The following YAE1 variants were observed in gnomAD, a reference collection of about 807,000 sequenced individuals.
YAE1 encodes YAE1 maturation factor of ABCE1.
A neutral mutation model predicts 23.0 loss-of-function variants in YAE1; 22 were observed. The ratio of observed to expected loss-of-function variants is 0.96; its 90% CI spans 0.68 to 1.37. YAE1 has a LOEUF of 1.37. Ranked by LOEUF, YAE1 falls within the 40% of genes most tolerant of loss-of-function variation. The pLI is 0.00. For missense variants in YAE1, 260 were observed against 262.1 expected (o/e 0.99, Z 0.06); for synonymous variants, 101 against 97.0 (o/e 1.04, Z -0.24).
intron 1 of YAE1, chr7:39,569,687 T>C: frequency 1.4e-6 from 1 of 699,870 alleles, no homozygotes; most frequent in South Asian, 1.4e-5. Flanking sequence ...ATCCAATGTC[T>C]TCAATAAAGT....
exon 3 of YAE1, chr7:39,610,138 CA>C: frequency 1.2e-6 from 1 of 865,378 alleles, no homozygotes. Flanking sequence ...ACACGTCTCT[CA>C]AACTATGAAG....
At chr7:39,599,799 G>A (rs1791030064) in intron 2 of YAE1, among the ~76,000 whole-genome samples, 1 of 151,810 alleles carries the variant, frequency 6.6e-6, no homozygotes. Flanking sequence ...ATGTTGGCCA[G>A]GCTGGTCTTG....
intron 2 of YAE1, among the ~76,000 whole-genome samples, chr7:39,588,186 T>G (rs1790847794): frequency 6.6e-6 from 1 of 152,336 alleles, no homozygotes; most frequent in South Asian, 2.1e-4. Context: ...TTTGTACATG[T>G]TGTAGGCTTG....
chr7:39,606,311 T>G (rs1436135766), intron 2 of YAE1, among the ~76,000 whole-genome samples: 1 of 152,200 alleles, frequency 6.6e-6, no homozygotes, highest in African/African-American at 2.4e-5. Context: ...CAGAGACATT[T>G]TGGATTTTGA....
At chr7:39,569,776 A>G in intron 1 of YAE1, 1 of 759,894 alleles carries the variant, frequency 1.3e-6, no homozygotes. Context: ...CCTGAAACAA[A>G]CCATGATGAA....
intron 2 of YAE1, among the ~76,000 whole-genome samples, chr7:39,580,042 G>A (rs143828419): frequency 6.6e-6 from 1 of 152,126 alleles, no homozygotes; most frequent in East Asian, 1.9e-4. Context: ...GAGACCCTGT[G>A]TCTAAAAAAA....
intron 2 of YAE1, among the ~76,000 whole-genome samples, chr7:39,584,176 G>C (rs1164752635): frequency 6.6e-6 from 1 of 152,120 alleles, no homozygotes; most frequent in Non-Finnish European, 1.5e-5. Flanking sequence ...ACTAAGGAAG[G>C]AGGAAAAATA....
downstream of YAE1, among the ~76,000 whole-genome samples, chr7:39,575,438 A>G (rs1298191795): frequency 6.6e-6 from 1 of 152,098 alleles, no homozygotes; most frequent in African/African-American, 2.4e-5. Flanking sequence ...GTGGGAAACC[A>G]AAATAAAAGC....
At chr7:39,604,974 A>G (rs1791107881) in intron 2 of YAE1, among the ~76,000 whole-genome samples, 1 of 152,266 alleles carries the variant, frequency 6.6e-6, no homozygotes, top group Non-Finnish European at 1.5e-5. Context: ...TACTCTGAGT[A>G]GTTCCAAAGG....
chr7:39,612,055 A>C (rs145627074), downstream of YAE1, among the ~76,000 whole-genome samples: 694 of 152,332 alleles, frequency 4.6e-3, 6 homozygotes, highest in African/African-American at 0.016. Flanking sequence ...TGGTGTTAAC[A>C]AGCTTCACTG....
At chr7:39,592,031 G>A (rs547551365) in intron 2 of YAE1, among the ~76,000 whole-genome samples, 1 of 151,976 alleles carries the variant, frequency 6.6e-6, no homozygotes, top group Non-Finnish European at 1.5e-5. Flanking sequence ...TTTCTTTTTA[G>A]CACTGAATAT....
At chr7:39,576,079 A>G (rs980788255), downstream of YAE1, among the ~76,000 whole-genome samples, 7 of 152,130 alleles carry the variant, frequency 4.6e-5, no homozygotes, top group Non-Finnish European at 1.0e-4. Flanking sequence ...GATCTCACCT[A>G]TTAATGTCAT....
chr7:39,609,940 AT>A lies in YAE1; in HGVS notation c.580del (p.Ser194GlnfsTer18). The A allele has an allele frequency of 6.6e-7, 1 of 1,523,072 alleles. No homozygotes were observed. Among genetic ancestry groups the A allele is most frequent in the Non-Finnish European group, 8.8e-7 (1 of 1,140,890 alleles). 94.3% of individuals were successfully genotyped at this position (1,523,072 alleles called of 1,614,324 possible). ...GAGGCACCTTCCAACTCCGAAACACATTTTTCAACATATAATAGAATCATTA... is the reference window on the plus strand; with the variant it reads ...GAGGCACCTTCCAACTCCGAAACACATTTTCAACATATAATAGAATCATTA... On this transcript the variant is annotated frameshift_variant, in exon 3 of 3. Transcript: ENST00000432096. LOFTEE classifies it high-confidence loss of function.
In YAE1 at chr7:39,572,456, A is replaced by G; in HGVS notation, c.431A>G (p.His144Arg). The G allele has an allele frequency of 1.2e-6, 2 of 1,614,186 alleles. No homozygotes were observed. The highest frequency in any genetic ancestry group is 2.2e-5 in the East Asian group (1 of 44,878). ...TCCATTGAGGATATGGACCTTTGTC[A>G]TGTAGTTCCAGCTGAGAAAAAGATT... is the stretch of plus-strand genomic sequence containing the variant. The part of the protein sequence containing the change: ...LDSIEDMDLC[H>R]VVPAEKKIDE... The change falls in exon 3 of 3, where the codon CAT (histidine) becomes CGT (arginine). Residue 144 changes from histidine (H) to arginine (R), a missense_variant. By Grantham distance (29) the His-to-Arg change is conservative. Coordinates refer to ENST00000223273, the MANE Select transcript of YAE1 (RefSeq NM_020192.5).
chr7:39,600,432 C>G (rs1791039158), intron 2 of YAE1, among the ~76,000 whole-genome samples: 1 of 152,064 alleles, frequency 6.6e-6, no homozygotes, highest in Admixed American at 6.6e-5. Flanking sequence ...GAGTCTCCCT[C>G]TGTCGTCCAG....
At chr7:39,583,241 G>T (rs766124397) in intron 2 of YAE1, among the ~76,000 whole-genome samples, 1 of 152,204 alleles carries the variant, frequency 6.6e-6, no homozygotes, top group Non-Finnish European at 1.5e-5. Context: ...ATGTATACAT[G>T]TGGACATATT....
At chr7:39,567,325 C>T (rs1790488603) in intron 1 of YAE1, among the ~76,000 whole-genome samples, 1 of 152,184 alleles carries the variant, frequency 6.6e-6, no homozygotes, top group African/African-American at 2.4e-5. Flanking sequence ...AGACTGGGGC[C>T]ACACTAATAA....
At chr7:39,581,669 CA>C (rs956773243) in intron 2 of YAE1, among the ~76,000 whole-genome samples, 1 of 151,984 alleles carries the variant, frequency 6.6e-6, no homozygotes, top group African/African-American at 2.4e-5. Flanking sequence ...CCCAAGAGTT[CA>C]AGACCAGCCT....
At chr7:39,586,536 C>T (rs1294937138) in intron 2 of YAE1, among the ~76,000 whole-genome samples, 2 of 150,338 alleles carry the variant, frequency 1.3e-5, no homozygotes, top group East Asian at 3.9e-4. Flanking sequence ...CTTGCTCTGT[C>T]GCCCAGGCTG....
Sources: allele counts gnomAD v4.1 joint callset (sites outside exome capture counted in the v4.1 genomes callset), GRCh38; gene constraint gnomAD v4.1.1; transcripts MANE v1.5; gene names NCBI Gene and HGNC (gene_info 2026-07-23, HGNC 2026-07-21).